Variants in MAP7 observed in about 807,000 individuals in gnomAD.
MAP7 encodes the protein microtubule associated protein 7.
MAP7 carries 52 observed loss-of-function variants against 94.8 expected under a neutral mutation model. The ratio of observed to expected loss-of-function variants is 0.55; its 90% confidence interval spans 0.44 to 0.69. MAP7 has a LOEUF of 0.69. MAP7 is among the 30% of genes least tolerant of loss of function. MAP7 has a pLI of 0.00. For missense variants in MAP7, 940 were observed against 964.6 expected, an observed-to-expected ratio of 0.97 and a Z score of 0.34; for synonymous variants, 350 against 357.0, an observed-to-expected ratio of 0.98 and a Z score of 0.22.
At chr6:136,450,306 T>C (rs887285187) in intron 1 of MAP7, among the ~76,000 whole-genome samples, 10 of 152,178 alleles carry the variant, frequency 6.6e-5, no homozygotes, top group African/African-American at 2.4e-4. Context: ...TTTCCAAGAT[T>C]TCTTCACTTG....
intron 1 of MAP7, among the ~76,000 whole-genome samples, chr6:136,440,139 T>C (rs996635825): frequency 6.6e-6 from 1 of 152,070 alleles, no homozygotes; most frequent in South Asian, 2.1e-4. Flanking sequence ...ACAAGTACAA[T>C]GACAAACGGG....
intron 1 of MAP7, among the ~76,000 whole-genome samples, chr6:136,489,843 T>C (rs1190173579): frequency 6.6e-6 from 1 of 152,120 alleles, no homozygotes; most frequent in African/African-American, 2.4e-5. Flanking sequence ...ACATCAGGTT[T>C]CTTATACTGA....
At chr6:136,547,633 G>T (rs1829833106) in intron 1 of MAP7, among the ~76,000 whole-genome samples, 2 of 152,060 alleles carry the variant, frequency 1.3e-5, no homozygotes, top group South Asian at 4.2e-4. Flanking sequence ...TATATTGGAA[G>T]AACTTTTCAT....
intron 1 of MAP7, among the ~76,000 whole-genome samples, chr6:136,457,798 T>C (rs755922462): frequency 2.0e-5 from 3 of 151,860 alleles, no homozygotes; most frequent in African/African-American, 7.3e-5. Context: ...TAGAAGAAAA[T>C]TTCCTCAAGA....
chr6:136,529,266 C>T (rs1015082973), intron 1 of MAP7, among the ~76,000 whole-genome samples: 2 of 142,318 alleles, frequency 1.4e-5, no homozygotes, highest in East Asian at 4.1e-4. Context: ...AGGCATCTGC[C>T]ACCACACCCA....
At chr6:136,437,141 C>T (rs988961437) in intron 1 of MAP7, among the ~76,000 whole-genome samples, 4 of 152,204 alleles carry the variant, frequency 2.6e-5, no homozygotes, top group African/African-American at 4.8e-5. Context: ...CCTGGTATAA[C>T]AGCCCCCTGA....
chr6:136,417,285 A>T (rs1027145370), intron 2 of MAP7, among the ~76,000 whole-genome samples: 4 of 152,186 alleles, frequency 2.6e-5, no homozygotes, highest in African/African-American at 9.7e-5. Context: ...CCTACCTATG[A>T]TGTTTCAAGT....
At chr6:136,456,832 GAAGAAGAAGAAGAAGAGGAAGAAGAAGAA>G (rs1803325074) in intron 1 of MAP7, among the ~76,000 whole-genome samples, 1 of 108,740 alleles carries the variant, frequency 9.2e-6, no homozygotes, top group Non-Finnish European at 2.0e-5. Flanking sequence ...GGAAGAAGAA[GAAGAAGAAGAAGAAGAGGAAGAAGAAGAA>G]GAAGAAGAAG....
At chr6:136,531,854 G>A (rs1207234270) in intron 1 of MAP7, among the ~76,000 whole-genome samples, 1 of 152,102 alleles carries the variant, frequency 6.6e-6, no homozygotes, top group Non-Finnish European at 1.5e-5. Context: ...GCAAAGAAAG[G>A]TAGTTATGTT....
chr6:136,477,727 C>T (rs1490246716), intron 1 of MAP7, among the ~76,000 whole-genome samples: 1 of 152,104 alleles, frequency 6.6e-6, no homozygotes, highest in East Asian at 1.9e-4. Flanking sequence ...CACTTCAACA[C>T]CACAATTTCA....
At chr6:136,461,618 T>TG (rs1053380101) in intron 1 of MAP7, among the ~76,000 whole-genome samples, 9 of 152,306 alleles carry the variant, frequency 5.9e-5, no homozygotes, top group African/African-American at 2.2e-4. Flanking sequence ...TATAACCTAA[T>TG]GGGTTACGAT....
In MAP7 at chr6:136,508,258, G is replaced by A. The variant is rs112862454; in HGVS notation, c.67+42084C>T. On this transcript the variant is annotated intron_variant, in intron 1 of 17. Transcript: ENST00000354570. Reference sequence around the variant, plus strand: ...GAGGATCGCTTGAGCCTGGGGAAGTGGAGGCTGCAGTAAGCCAAGATCACA... The same window carrying A: ...GAGGATCGCTTGAGCCTGGGGAAGTAGAGGCTGCAGTAAGCCAAGATCACA... 6.7e-3 allele frequency among the ~76,000 whole-genome samples: 1,021 copies of A among 152,068 alleles called. 13 individuals are homozygous for A. Among genetic ancestry groups the A allele is most frequent in the African/African-American group, 0.024 (976 of 41,468 alleles).
At chr6:136,511,477 GT>G (rs1823260061) in intron 1 of MAP7, among the ~76,000 whole-genome samples, 1 of 146,264 alleles carries the variant, frequency 6.8e-6, no homozygotes, top group Non-Finnish European at 1.5e-5. Context: ...CAAAGAACCT[GT>G]TTTTCTGGGC....
intron 1 of MAP7, among the ~76,000 whole-genome samples, chr6:136,471,477 T>C (rs187718860): frequency 1.3e-4 from 20 of 152,322 alleles, no homozygotes; most frequent in Non-Finnish European, 2.6e-4. Context: ...TCAACAGTTA[T>C]CTTATTCTCT....
intron 7 of MAP7, among the ~76,000 whole-genome samples, chr6:136,373,090 C>T (rs370139728): frequency 6.6e-6 from 1 of 152,112 alleles, no homozygotes; most frequent in Non-Finnish European, 1.5e-5. Flanking sequence ...AGAGAGGAAG[C>T]GTGCAAGCAG....
At position 136,377,798 on chromosome 6, in the gene MAP7, G is replaced by A. The variant is rs1776646986; in HGVS notation, c.708C>T (p.Phe236=). The A allele has an allele frequency of 6.2e-7, 1 of 1,614,020 alleles. No homozygotes were observed. The highest frequency in any genetic ancestry group is 8.5e-7 in the Non-Finnish European group (1 of 1,180,020). The change falls in exon 7 of 18, where the codon TTC becomes TTT. Residue 236 remains phenylalanine (F), a synonymous_variant. Coordinates refer to ENST00000354570, the MANE Select transcript of MAP7 (RefSeq NM_003980.6). ...VNRLLTPTHS[F]LARSKSTAAL... is the part of the protein sequence containing the mutation. ...CAGCTGTGCTTTTACTTCTGGCCAG[G>A]AACGAATGTGTGGGCGTCAGGAGTC...
intron 1 of MAP7, among the ~76,000 whole-genome samples, chr6:136,429,690 C>T (rs1426399979): frequency 6.6e-6 from 1 of 152,206 alleles, no homozygotes; most frequent in Non-Finnish European, 1.5e-5. Context: ...ATTCACATCA[C>T]AAATGCTTTC....
At chr6:136,388,905 T>G (rs1779913266) in intron 4 of MAP7, among the ~76,000 whole-genome samples, 1 of 152,212 alleles carries the variant, frequency 6.6e-6, no homozygotes, top group East Asian at 1.9e-4. Context: ...CCTGACCCCA[T>G]GACTTATTGA....
chr6:136,372,420 C>G, intron 8 of MAP7, 81 bp downstream of exon 8: 1 of 1,536,220 alleles, frequency 6.5e-7, no homozygotes, highest in Non-Finnish European at 8.9e-7. Flanking sequence ...ACGCCCACAC[C>G]ACAGCTCAGG....
Sources: allele counts gnomAD v4.1 joint callset (sites outside exome capture counted in the v4.1 genomes callset), GRCh38; gene constraint gnomAD v4.1.1; transcripts MANE v1.5; gene names NCBI Gene and HGNC (gene_info 2026-07-23, HGNC 2026-07-21).